TTN: variants seen among roughly 807,000 people sequenced by gnomAD.
TTN encodes titin, also known as connectin.
A neutral mutation model predicts 3,223.0 loss-of-function variants in TTN; 1,525 were observed. That is an observed-to-expected ratio of 0.47 (90% CI 0.45 to 0.49). The LOEUF (loss-of-function observed/expected upper bound fraction) is 0.49. Ranked by LOEUF, TTN falls within the 20% of genes least tolerant of loss-of-function variation. TTN has a pLI of 0.00. For missense variants in TTN, 40,786 were observed against 43,424.0 expected, an observed-to-expected ratio of 0.94 and a Z score of 5.40; for synonymous variants, 14,094 against 15,161.0, an observed-to-expected ratio of 0.93 and a Z score of 5.17.
At chr2:178,595,380 T>A in intron 295 of TTN, 127 bp downstream of exon 295, 1 of 813,694 alleles carries the variant, frequency 1.2e-6, no homozygotes, top group East Asian at 2.7e-5. Context: ...AGATACTGAG[T>A]AGTTGTGTGA....
rs886042668 is a variant in TTN at position 178,533,502 on chromosome 2, A to G, written c.103113T>C (p.Asn34371=). 6.2e-7 allele frequency: 1 copy of G among 1,613,424 alleles called. No homozygotes were observed. Among genetic ancestry groups the G allele is most frequent in the Non-Finnish European group, 8.5e-7 (1 of 1,179,434 alleles). ...CACTTTGGCCTTCTTGGCATTCTGCATTTGCCAGTAACCTTTTGAACATGG... is the reference window on the plus strand; with the variant it reads ...CACTTTGGCCTTCTTGGCATTCTGCGTTTGCCAGTAACCTTTTGAACATGG... ...LRPMFKRLLA[N]AECQEGQSVC... Residue 34371 remains asparagine (N), a synonymous_variant, in exon 358 of 363, where the codon AAT becomes AAC. Transcript: ENST00000589042.
At position 178,719,841 on chromosome 2, in the gene TTN, A is replaced by G. The variant is rs2154300284; in HGVS notation, c.23660-9T>C. 5 of 1,597,734 alleles carry G rather than the reference A, an allele frequency of 3.1e-6. No individual in the cohort carries two copies. The South Asian group carries it at 5.6e-5, about 18-fold the overall frequency. On this transcript the variant is annotated splice_polypyrimidine_tract_variant and intron_variant, in intron 81 of 362. Coordinates refer to ENST00000589042, the MANE Select transcript of TTN (RefSeq NM_001267550.2). The stretch of plus-strand genomic sequence containing the variant: ...TATGATTCTTGCTGGTTCTAAAAGA[A>G]GAAGTATTTTGCATTGAAAACAAAG...
chr2:178,767,465 T>G (rs936824027), intron 40 of TTN, among the ~76,000 whole-genome samples: 1 of 152,250 alleles, frequency 6.6e-6, no homozygotes, highest in Admixed American at 6.5e-5. Flanking sequence ...GATTTACATT[T>G]TAATTCTTTT....
rs766258831 is a variant in TTN at position 178,534,225 on chromosome 2, CACTTTA to C, written c.102384_102389del (p.Lys34129_Val34130del). The C allele has an allele frequency of 4.3e-6, 7 of 1,613,924 alleles. No homozygotes were observed. In the East Asian group the frequency reaches 1.1e-4, roughly 26 times the overall value. On this transcript the variant is annotated inframe_deletion, in exon 358 of 363. Transcript: ENST00000589042. ...AAACTGGGCCAATTTCAATGGATGC[CACTTTA>C]ACTTTAGCAACACTCACTCCCTTCT...
chr2:178,697,010 G>A, intron 113 of TTN, 111 bp downstream of exon 113: 1 of 934,502 alleles, frequency 1.1e-6, no homozygotes, highest in Non-Finnish European at 1.6e-6. Flanking sequence ...CACAGCAGAG[G>A]AGACTCCACA....
intron 47 of TTN, chr2:178,745,570 C>T (rs1229066745): frequency 6.2e-7 from 1 of 1,611,718 alleles, no homozygotes. Context: ...TACTGAGGCA[C>T]TAAAACATTA....
At chr2:178,711,424 G>C in intron 96 of TTN, 75 bp from the exon 97 acceptor site, 1 of 1,377,740 alleles carries the variant, frequency 7.3e-7, no homozygotes, top group East Asian at 2.4e-5. Context: ...ATATACAAAC[G>C]CACGTATATA....
At chr2:178,609,113 C>CTA in intron 273 of TTN, 95 bp downstream of exon 273, 1 of 1,364,174 alleles carries the variant, frequency 7.3e-7, no homozygotes, top group Non-Finnish European at 9.6e-7. Flanking sequence ...CTTGCTGAAG[C>CTA]TATGTCCCAT....
chr2:178,576,650 C>T lies in TTN; in HGVS notation c.69594G>A (p.Arg23198=), dbSNP rs2154173179. ...RAIKTPVSDL[R]CKVTGLQEGS... ...CTTCTTGCAGTCCTGTTACTTTGCA[C>T]CTGAGATCGGAAACTGGTGTTTTTA... is the stretch of plus-strand genomic sequence containing the variant. Residue 23198 remains arginine (R), a synonymous_variant, in exon 325 of 363, where the codon AGG becomes AGA. Transcript: ENST00000589042. This position sits in a 1 kb window ranked among gnomAD's most constrained non-coding sequence, Gnocchi z 4.3. The T allele has an allele frequency of 6.2e-7, 1 of 1,613,554 alleles. No individual in the cohort carries two copies.
In TTN at chr2:178,734,434, C is replaced by T; in HGVS notation, c.15390G>A (p.Val5130=). 6.2e-7 allele frequency: 1 copy of T among 1,613,776 alleles called. No individual in the cohort carries two copies. ...KYRLFSQKSL[V]CLEIFSFNSA... ...TATTAAACGAAAAGATCTCCAGACA[C>T]ACAAGAGACTTCTGAGAAAACAATC... The change falls in exon 52 of 363, where the codon GTG becomes GTA. Residue 5130 remains valine, a synonymous_variant. Coordinates refer to ENST00000589042, the MANE Select transcript of TTN (RefSeq NM_001267550.2).
Position 178,647,436 on chromosome 2 carries a change from T to C in TTN, c.40086A>G (p.Pro13362=). The part of the protein sequence containing the change: ...KVPKVPEKII[P]EKEVSVPIPA... The stretch of plus-strand genomic sequence containing the variant: ...GGATAGGCACAGACACTTCCTTTTC[T>C]GGGATGATTTTCTCAGGCACTTTGG... The change falls in exon 214 of 363, where the codon CCA becomes CCG. Residue 13362 remains proline, a synonymous_variant. Transcript: ENST00000589042. The C allele has an allele frequency of 6.5e-7, 1 of 1,549,756 alleles. No individual in the cohort carries two copies. The highest frequency in any genetic ancestry group is 1.4e-5 in the African/African-American group (1 of 73,104).
In TTN at chr2:178,549,627, T is replaced by C. The variant is rs1248700593; in HGVS notation, c.92095A>G (p.Lys30699Glu). The stretch of plus-strand genomic sequence containing the variant: ...TCAAGTGGCCTGCCAACACCAAACT[T>C]GTTAACTGCAGAAACACGGAATTGG... ...EYQFRVSAVNKFGVGRPLDSD... is the reference protein window; with the variant it reads ...EYQFRVSAVNEFGVGRPLDSD... Residue 30699 changes from lysine (K) to glutamate (E), a missense_variant, in exon 338 of 363, where the codon AAG (lysine) becomes GAG (glutamate). Lys to Glu is a moderately conservative substitution (Grantham distance 56, BLOSUM62 1). Transcript: ENST00000589042. 6.2e-6 allele frequency: 10 copies of C among 1,613,732 alleles called. No homozygotes were observed. The highest frequency in any genetic ancestry group is 8.5e-6 in the Non-Finnish European group (10 of 1,179,780).
At chr2:178,578,757 T>G (rs762658188) in intron 320 of TTN, 42 bp from the exon 321 acceptor site, 1 of 1,601,574 alleles carries the variant, frequency 6.2e-7, no homozygotes, top group Admixed American at 1.8e-5. Flanking sequence ...ATAAGAAGCC[T>G]CCTCAAAACC....
rs377261293 is a variant in TTN at position 178,548,194 on chromosome 2, C to T, written c.93432G>A (p.Arg31144=). ...WLKPDHDGGS[R]ITGYLLEMRQ... ...TCATTTCAAGCAGGTAGCCAGTGATCCGGCTGCCTCCATCGTGGTCAGGTT... is the reference window on the plus strand; with the variant it reads ...TCATTTCAAGCAGGTAGCCAGTGATTCGGCTGCCTCCATCGTGGTCAGGTT... Residue 31144 remains arginine, a synonymous_variant, in exon 339 of 363, where the codon CGG becomes CGA. Transcript: ENST00000589042. This position sits in a 1 kb window ranked among gnomAD's most constrained non-coding sequence, Gnocchi z 4.3. The T allele has an allele frequency of 2.5e-6, 4 of 1,613,724 alleles. No individual in the cohort carries two copies. The highest frequency in any genetic ancestry group is 3.4e-6 in the Non-Finnish European group (4 of 1,179,816).
In TTN at chr2:178,598,901, C is replaced by G. The variant is rs779010234; in HGVS notation, c.56809G>C (p.Asp18937His). 6.2e-7 allele frequency: 1 copy of G among 1,613,110 alleles called. No individual in the cohort carries two copies. Among genetic ancestry groups the G allele is most frequent in the East Asian group, 2.2e-5 (1 of 44,702 alleles). The change falls in exon 291 of 363, where the codon GAT becomes CAT. Residue 18937 changes from aspartate (D) to histidine (H), a missense_variant. Asp to His is a moderately conservative substitution (Grantham distance 81). Transcript: ENST00000589042. ...CCCAAAGTCATGGCTTTGATAGGAT[C>G]TCGGTTAACTCTCTTCCATCTCTTT... is the stretch of plus-strand genomic sequence containing the variant. ...TSKRWKRVNR[D>H]PIKAMTLGVS...
chr2:178,715,178 G>T lies in TTN; in HGVS notation c.26008C>A (p.Pro8670Thr). ...VHLECELQGTPPFHVSWYKDK... is the reference protein window; with the variant it reads ...VHLECELQGTTPFHVSWYKDK... ...TTATACCAAGAAACGTGAAATGGGG[G>T]AGTGCCCTGAAGCTCACATTCAAGG... The change falls in exon 90 of 363, where the codon CCC becomes ACC. Residue 8670 changes from proline to threonine, a missense_variant. Pro to Thr is a conservative substitution (Grantham distance 38). Coordinates refer to ENST00000589042, the MANE Select transcript of TTN (RefSeq NM_001267550.2). The T allele has an allele frequency of 1.2e-6, 2 of 1,613,726 alleles. No individual in the cohort carries two copies. Among genetic ancestry groups the T allele is most frequent in the African/African-American group, 2.7e-5 (2 of 75,008 alleles).
intron 71 of TTN, 196 bp downstream of exon 71, chr2:178,725,170 CAG>C: frequency 2.0e-6 from 1 of 503,098 alleles, no homozygotes; most frequent in Non-Finnish European, 3.2e-6. Context: ...AACAATAAAA[CAG>C]ATGTCTAATT....
chr2:178,548,215 A>G lies in TTN; in HGVS notation c.93411T>C (p.Pro31137=), dbSNP rs1442127365. ...KSSAVLAWLK[P]DHDGGSRITG... Reference sequence around the variant, plus strand: ...TGATCCGGCTGCCTCCATCGTGGTCAGGTTTAAGCCAAGCTAAGACTGCGG... The same window carrying G: ...TGATCCGGCTGCCTCCATCGTGGTCGGGTTTAAGCCAAGCTAAGACTGCGG... The change falls in exon 339 of 363, where the codon CCT becomes CCC. Residue 31137 remains proline (P), a synonymous_variant. Coordinates refer to ENST00000589042, the MANE Select transcript of TTN (RefSeq NM_001267550.2). The surrounding 1 kb of genome is among the most constrained non-coding windows in gnomAD (Gnocchi z 4.3). 6.2e-7 allele frequency: 1 copy of G among 1,613,876 alleles called. No homozygotes were observed. Among genetic ancestry groups the G allele is most frequent in the Non-Finnish European group, 8.5e-7 (1 of 1,179,818 alleles).
intron 6 of TTN, chr2:178,798,507 A>G (rs187497302): frequency 1.6e-4 from 25 of 152,314 alleles, no homozygotes. Context: ...CAAAATATTT[A>G]AAAGGTTTTA....
Sources: allele counts gnomAD v4.1 joint callset (sites outside exome capture counted in the v4.1 genomes callset), GRCh38; gene constraint gnomAD v4.1.1; non-coding constraint Gnocchi (gnomAD v3.1); transcripts MANE v1.5; gene names NCBI Gene and HGNC (gene_info 2026-07-23, HGNC 2026-07-21).